The following U2AF2 variants were observed in gnomAD, a reference collection of about 807,000 sequenced individuals.
U2AF2 encodes U2 small nuclear RNA auxiliary factor 2.
In U2AF2, 6 loss-of-function variants were observed where a neutral mutation model predicts 52.6. That is an observed-to-expected ratio of 0.11 (90% CI 0.06 to 0.23). The LOEUF is 0.23. U2AF2 is among the 10% of genes least tolerant of loss of function. U2AF2 has a pLI of 1.00. For synonymous variants in U2AF2, 284 were observed against 258.2 expected (o/e 1.10, Z -0.96); for missense variants, 222 against 677.1 (o/e 0.33, Z 7.46).
chr19:55,669,305 T>C, intron 10 of U2AF2, 124 bp downstream of exon 10: 1 of 1,543,008 alleles, frequency 6.5e-7, no homozygotes, highest in Non-Finnish European at 8.8e-7. Context: ...TTCAGTGCAG[T>C]GTTGGGGAGT....
chr19:55,668,768 C>T lies in U2AF2; in HGVS notation c.921C>T (p.Tyr307=), dbSNP rs2123692417. Residue 307 remains tyrosine (Y), a synonymous_variant, in exon 9 of 12, where the codon TAC becomes TAT. Transcript: ENST00000308924. The surrounding 1 kb of genome is among the most constrained non-coding windows in gnomAD (Gnocchi z 5.5). ...CCAAGGGCTACGCCTTCTGTGAGTA[C>T]GTGGACATCAACGTCACGGATCAGG... ...GLSKGYAFCE[Y]VDINVTDQAI... 1.2e-6 allele frequency: 2 copies of T among 1,613,208 alleles called. No individual in the cohort carries two copies. Among genetic ancestry groups the T allele is most frequent in the Non-Finnish European group, 8.5e-7 (1 of 1,179,370 alleles).
chr19:55,671,134 T>C (rs1464758938), intron 11 of U2AF2, among the ~76,000 whole-genome samples: 2 of 151,996 alleles, frequency 1.3e-5, no homozygotes, highest in Admixed American at 6.5e-5. Flanking sequence ...TTGAGGTGAT[T>C]GTGGCTGCAG....
intron 1 of U2AF2, among the ~76,000 whole-genome samples, chr19:55,656,895 G>C (rs1256640997): frequency 2.0e-5 from 3 of 152,214 alleles, no homozygotes; most frequent in Non-Finnish European, 4.4e-5. Context: ...GATTGTGTCA[G>C]AGTTGGGAAA....
chr19:55,669,845 A>G (rs1289173285), intron 11 of U2AF2, among the ~76,000 whole-genome samples, 153 bp downstream of exon 11: 1 of 151,746 alleles, frequency 6.6e-6, no homozygotes, highest in Non-Finnish European at 1.5e-5. Context: ...GCGTGCGTAT[A>G]GGTGTATGCC....
rs1205555016 is a variant in U2AF2 at position 55,668,614 on chromosome 19, G to A, written c.822+28G>A. On this transcript the variant is annotated intron_variant, in intron 8 of 11. Coordinates refer to ENST00000308924, the MANE Select transcript of U2AF2 (RefSeq NM_007279.3). The surrounding 1 kb of genome is among the most constrained non-coding windows in gnomAD (Gnocchi z 5.5). ...AACTTCCCTGCCTCCCTCCAGACCC[G>A]TCCCCCCACCCCGCCCCACCTCATC... is the stretch of plus-strand genomic sequence containing the variant. The A allele has an allele frequency of 3.0e-6, 4 of 1,324,246 alleles. No individual in the cohort carries two copies. The highest frequency in any genetic ancestry group is 4.2e-6 in the Non-Finnish European group (4 of 945,518). The allele number at this position is 1,324,246 out of a possible 1,614,324, so 82.0% of individuals were successfully genotyped here. A position where few individuals can be genotyped will look rare whatever the true frequency, so the allele number is the denominator to read the frequency against.
intron 3 of U2AF2, 111 bp downstream of exon 3, chr19:55,660,332 G>C (rs1984094767): frequency 7.6e-7 from 1 of 1,319,410 alleles, no homozygotes; most frequent in African/African-American, 1.5e-5. Context: ...ACTGGGAAGA[G>C]TCCACTTACC....
chr19:55,655,758 GCC>G (rs1414029196), intron 1 of U2AF2, among the ~76,000 whole-genome samples: 4 of 152,230 alleles, frequency 2.6e-5, no homozygotes, highest in Admixed American at 2.6e-4. Flanking sequence ...GGTGGTTTCT[GCC>G]CCGTCTGTTG....
At chr19:55,660,076 G>C (rs1984068036) in intron 2 of U2AF2, 101 bp from the exon 3 acceptor site, 1 of 1,172,360 alleles carries the variant, frequency 8.5e-7, no homozygotes, top group African/African-American at 1.6e-5. Context: ...CCTCGGCCCT[G>C]CTCCCACCCT....
intron 5 of U2AF2, chr19:55,662,146 G>C (rs10420401): frequency 0.059 from 11,304 of 192,598 alleles, 688 homozygotes; most frequent in East Asian, 0.18. Flanking sequence ...TTCATCTCTT[G>C]TGTTTCGTGT....
At chr19:55,667,123 T>G (rs1272563428) in intron 7 of U2AF2, among the ~76,000 whole-genome samples, 4 of 152,152 alleles carry the variant, frequency 2.6e-5, no homozygotes, top group African/African-American at 9.7e-5. Context: ...TGGTTGGAGC[T>G]GGCTGGGTTG....
Position 55,668,491 on chromosome 19 carries a change from T to C in U2AF2, c.743-16T>C, listed in dbSNP as rs1356717446. ...CCTGGTACTGGAATTGAAGTCCTCC[T>C]CTTCTCTACCCATAGGGGTTGTGTC... On this transcript the variant is annotated splice_polypyrimidine_tract_variant and intron_variant, in intron 7 of 11. Coordinates refer to ENST00000308924, the MANE Select transcript of U2AF2 (RefSeq NM_007279.3). The surrounding 1 kb of genome is among the most constrained non-coding windows in gnomAD (Gnocchi z 5.5). The C allele has an allele frequency of 6.4e-7, 1 of 1,565,012 alleles. No homozygotes were observed. The highest frequency in any genetic ancestry group is 8.7e-7 in the Non-Finnish European group (1 of 1,153,462).
At chr19:55,658,281 G>A (rs1983923977) in intron 1 of U2AF2, among the ~76,000 whole-genome samples, 1 of 152,056 alleles carries the variant, frequency 6.6e-6, no homozygotes, top group African/African-American at 2.4e-5. Flanking sequence ...TGGTGTGGCG[G>A]TGCTCATGAA....
intron 1 of U2AF2, among the ~76,000 whole-genome samples, chr19:55,658,474 C>T (rs966092019): frequency 1.3e-5 from 2 of 152,092 alleles, no homozygotes; most frequent in East Asian, 1.9e-4. Context: ...CAGAGATACC[C>T]GCCCCTACTC....
In U2AF2 at chr19:55,660,156, C is replaced by T. The variant is rs375861862; in HGVS notation, c.186-21C>T. ...GGGTCCCCAGTCACCCCTCCCCATA[C>T]CTTTCCCTCCCACCCCCCAGCAAAC... On this transcript the variant is annotated intron_variant, in intron 2 of 11. Coordinates refer to ENST00000308924, the MANE Select transcript of U2AF2 (RefSeq NM_007279.3). 57 of 1,484,468 alleles carry T rather than the reference C, an allele frequency of 3.8e-5. No homozygotes were observed. The African/African-American group carries it at 4.5e-4, about 12-fold the overall frequency. The allele number at this position is 1,484,468 out of a possible 1,614,324, so 92.0% of individuals were successfully genotyped here.
rs147987516 is a variant in U2AF2, at chr19:55,673,954, T to A, written c.1314T>A (p.Ser438=). The A allele has an allele frequency of 3.4e-4, 556 of 1,613,644 alleles. 1 individual carries two copies. In the African/African-American group the frequency reaches 6.4e-3, roughly 18 times the overall value. ...GCGKIFVEFT[S]VFDCQKAMQG... ...CACAGATCTTTGTGGAGTTCACCTC[T>A]GTGTTTGACTGCCAGAAAGCCATGC... Residue 438 remains serine (S), a synonymous_variant, in exon 12 of 12, where the codon TCT becomes TCA. Coordinates refer to ENST00000308924, the MANE Select transcript of U2AF2 (RefSeq NM_007279.3).
Position 55,661,060 on chromosome 19 carries a change from T to G in U2AF2, c.357T>G (p.Thr119=). 1 of 1,590,424 alleles carries G rather than the reference T, an allele frequency of 6.3e-7. No homozygotes were observed. The highest frequency in any genetic ancestry group is 1.3e-5 in the African/African-American group (1 of 74,412). Residue 119 remains threonine (T), a synonymous_variant, in exon 5 of 12, where the codon ACT becomes ACG. Coordinates refer to ENST00000308924, the MANE Select transcript of U2AF2 (RefSeq NM_007279.3). The part of the protein sequence containing the change: ...AMQAAGQIPA[T]ALLPTMTPDG... The stretch of plus-strand genomic sequence containing the variant: ...AAGCTGCGGGTCAGATTCCAGCCAC[T>G]GCTCTTCTCCCCACCATGACCCCTG...
intron 7 of U2AF2, among the ~76,000 whole-genome samples, chr19:55,664,568 G>C (rs982581748): frequency 1.3e-5 from 2 of 152,184 alleles, no homozygotes; most frequent in Non-Finnish European, 2.9e-5. Context: ...GGAGGAGGTG[G>C]GGTTCTGCTG....
chr19:55,668,262 T>A lies in U2AF2; in HGVS notation c.743-245T>A, dbSNP rs1984668471. 6.6e-6 allele frequency among the ~76,000 whole-genome samples: 1 copy of A among 152,062 alleles called. No homozygotes were observed. Among genetic ancestry groups the A allele is most frequent in the Non-Finnish European group, 1.5e-5 (1 of 67,998 alleles). Reference sequence around the variant, plus strand: ...TTCTGGAGGATGTTCTAGTTTGAGGTTCCCCTGAGGCTGGGCAGATTTGGG... The same window carrying A: ...TTCTGGAGGATGTTCTAGTTTGAGGATCCCCTGAGGCTGGGCAGATTTGGG... On this transcript the variant is annotated intron_variant, in intron 7 of 11. Transcript: ENST00000308924. This position sits in a 1 kb window ranked among gnomAD's most constrained non-coding sequence, Gnocchi z 5.5.
In U2AF2 at chr19:55,659,277, C is replaced by A. The variant is rs985311438; in HGVS notation, c.117C>A (p.Arg39=). The change falls in exon 2 of 12, where the codon CGC becomes CGA. Residue 39 remains arginine (R), a synonymous_variant. Coordinates refer to ENST00000308924, the MANE Select transcript of U2AF2 (RefSeq NM_007279.3). ...GCTCTCGGAGCCGGGACCGCAAACG[C>A]CGGAGCCGGAGCCGCGACCGGCGCA... The part of the protein sequence containing the change: ...HSRSRSRDRK[R]RSRSRDRRNR... 6.2e-7 allele frequency: 1 copy of A among 1,601,408 alleles called. No homozygotes were observed. The highest frequency in any genetic ancestry group is 1.7e-5 in the Admixed American group (1 of 59,094).
Sources: allele counts gnomAD v4.1 joint callset (sites outside exome capture counted in the v4.1 genomes callset), GRCh38; gene constraint gnomAD v4.1.1; non-coding constraint Gnocchi (gnomAD v3.1); transcripts MANE v1.5; gene names NCBI Gene and HGNC (gene_info 2026-07-23, HGNC 2026-07-21).